TMPRSS13: variants seen among roughly 807,000 people sequenced by gnomAD.
TMPRSS13 encodes transmembrane serine protease 13.
TMPRSS13 carries 50 observed loss-of-function variants against 68.4 expected under a neutral mutation model. That is an observed-to-expected ratio of 0.73 (90% CI 0.58 to 0.93). The LOEUF (loss-of-function observed/expected upper bound fraction) is 0.93, where lower values mean the gene tolerates loss of function less well. Among genes scored for constraint, TMPRSS13 ranks in the 40% least tolerant of loss-of-function variants. The probability of loss-of-function intolerance (pLI) is 0.00; values close to 1 mark genes in which losing one functional copy is unlikely to be tolerated. For missense variants in TMPRSS13, 615 were observed against 729.2 expected (o/e 0.84, Z 1.80); for synonymous variants, 267 against 285.8 (o/e 0.93, Z 0.66).
intron 1 of TMPRSS13, among the ~76,000 whole-genome samples, chr11:117,927,764 A>C (rs79457233): frequency 0.017 from 2,568 of 152,302 alleles, 84 homozygotes; most frequent in African/African-American, 0.059. Flanking sequence ...GTTCCATCTT[A>C]AATAGGGGAG....
At position 117,914,504 on chromosome 11, in the gene TMPRSS13, C is replaced by A. The variant is rs1403353091; in HGVS notation, c.567G>T (p.Trp189Cys). ...VVSLIILFQF[W>C]QGHTGIRYKE... ...TGTACCTGATCCCTGTGTGGCCCTG[C>A]CAGAACTGGACTAGAGAAAAAGAAG... Residue 189 changes from tryptophan (W) to cysteine (C), a missense_variant, in exon 4 of 13, where the codon TGG (tryptophan) becomes TGT (cysteine). Physicochemically the swap from Trp to Cys is radical, Grantham distance 215. Transcript: ENST00000524993. This position sits in a 1 kb window ranked among gnomAD's most constrained non-coding sequence, Gnocchi z 4.2. 6.2e-7 allele frequency: 1 copy of A among 1,613,892 alleles called. No individual in the cohort carries two copies. Among genetic ancestry groups the A allele is most frequent in the Non-Finnish European group, 8.5e-7 (1 of 1,180,004 alleles).
chr11:117,917,713 A>C (rs1244401502), intron 2 of TMPRSS13, among the ~76,000 whole-genome samples: 1 of 152,070 alleles, frequency 6.6e-6, no homozygotes, highest in Non-Finnish European at 1.5e-5. Context: ...CACTTCACCC[A>C]CCCTGGAGAG....
intron 12 of TMPRSS13, chr11:117,903,400 C>G: frequency 2.6e-6 from 4 of 1,535,706 alleles, no homozygotes; most frequent in Non-Finnish European, 3.5e-6. Flanking sequence ...AACATCTGCC[C>G]AGCAACTGCC....
At chr11:117,919,990 G>A (rs2134915401) in intron 1 of TMPRSS13, among the ~76,000 whole-genome samples, 1 of 152,348 alleles carries the variant, frequency 6.6e-6, no homozygotes, top group Non-Finnish European at 1.5e-5. Flanking sequence ...GGATAGGGCT[G>A]GGGGTTACCA....
intron 1 of TMPRSS13, among the ~76,000 whole-genome samples, chr11:117,920,170 G>A (rs2057628621): frequency 6.6e-6 from 1 of 152,160 alleles, no homozygotes; most frequent in South Asian, 2.1e-4. Context: ...AGGCAGCTGG[G>A]CGCCCCAGGC....
chr11:117,917,412 T>C (rs1255109855), intron 2 of TMPRSS13, 138 bp from the exon 3 acceptor site: 4 of 636,588 alleles, frequency 6.3e-6, no homozygotes, highest in Non-Finnish European at 1.1e-5. Context: ...TGAGATTTTA[T>C]GGGGCTCAAA....
intron 8 of TMPRSS13, among the ~76,000 whole-genome samples, chr11:117,909,568 C>T (rs1565347149): frequency 6.6e-6 from 1 of 152,248 alleles, no homozygotes; most frequent in Admixed American, 6.5e-5. Flanking sequence ...GCCTGCCTCT[C>T]TCCCCCTTGG....
At chr11:117,918,014 G>T (rs1486221998) in intron 2 of TMPRSS13, among the ~76,000 whole-genome samples, 2 of 152,116 alleles carry the variant, frequency 1.3e-5, no homozygotes, top group Non-Finnish European at 2.9e-5. Context: ...CCACAGATGG[G>T]CCCACTGATC....
intron 8 of TMPRSS13, 130 bp downstream of exon 8, chr11:117,909,676 G>A: frequency 8.9e-7 from 1 of 1,129,344 alleles, no homozygotes; most frequent in Non-Finnish European, 1.3e-6. Flanking sequence ...CTACACCAGT[G>A]CCAACTGGCC....
chr11:117,905,778 A>G, intron 9 of TMPRSS13, 42 bp from the exon 10 acceptor site: 1 of 1,498,940 alleles, frequency 6.7e-7, no homozygotes. Flanking sequence ...AACAAGGCTG[A>G]GACTTTCAGT....
At chr11:117,906,622 C>T (rs549382503) in intron 9 of TMPRSS13, among the ~76,000 whole-genome samples, 2 of 152,252 alleles carry the variant, frequency 1.3e-5, no homozygotes, top group East Asian at 3.9e-4. Context: ...TGGAATTAGG[C>T]TTTAAACATT....
rs541829743 is a variant in TMPRSS13, at chr11:117,917,463, T to C, written c.452-189A>G. On this transcript the variant is annotated intron_variant, in intron 2 of 12. Transcript: ENST00000524993. ...GAATGAATTTTGTCCCATCTGAAAA[T>C]GCAAAAACTGAGCTCCCCCTGCCTG... Among the ~76,000 whole-genome samples, 4 of 152,256 alleles carry C rather than the reference T, an allele frequency of 2.6e-5. No homozygotes were observed. In the South Asian group the frequency reaches 6.2e-4, roughly 24 times the overall value.
Position 117,908,655 on chromosome 11 carries a change from A to G in TMPRSS13, c.1239T>C (p.Tyr413=). Reference sequence around the variant, plus strand: ...TGGACAGCCGCATGAGGGCGATGTCATAGTCGTCCTCCTCATCGGTGTAAT... The same window carrying G: ...TGGACAGCCGCATGAGGGCGATGTCGTAGTCGTCCTCCTCATCGGTGTAAT... ...NSNYTDEEDD[Y]DIALMRLSKP... is the part of the protein sequence containing the mutation. Residue 413 remains tyrosine (Y), a synonymous_variant, in exon 9 of 13, where the codon TAT becomes TAC. Coordinates refer to ENST00000524993, the MANE Select transcript of TMPRSS13 (RefSeq NM_001077263.3). The G allele has an allele frequency of 6.3e-7, 1 of 1,582,326 alleles. No individual in the cohort carries two copies.
At chr11:117,923,741 G>A (rs146556537) in intron 1 of TMPRSS13, among the ~76,000 whole-genome samples, 25,529 of 149,490 alleles carry the variant, frequency 0.17, 2,730 homozygotes, top group Non-Finnish European at 0.24. Context: ...TGTAAAGGAC[G>A]AGTTAATGGG....
chr11:117,903,342 C>A (rs187379790), intron 12 of TMPRSS13: 10 of 1,482,920 alleles, frequency 6.7e-6, no homozygotes, highest in Non-Finnish European at 9.1e-6. Context: ...GAAACTGAAA[C>A]GTTTTCAAAG....
intron 7 of TMPRSS13, 125 bp from the exon 8 acceptor site, chr11:117,910,093 G>A: frequency 3.4e-6 from 4 of 1,170,374 alleles, no homozygotes; most frequent in Non-Finnish European, 4.8e-6. Flanking sequence ...CATCCTGAAG[G>A]GCACCCACCC....
chr11:117,924,333 C>T (rs7943219), intron 1 of TMPRSS13, among the ~76,000 whole-genome samples: 108,506 of 151,802 alleles, frequency 0.71, 40,161 homozygotes, highest in Non-Finnish European at 0.81. Flanking sequence ...GGCCCCCATC[C>T]TTGGGCTGTT....
chr11:117,918,180 C>G (rs1454324319), intron 2 of TMPRSS13, among the ~76,000 whole-genome samples: 1 of 152,158 alleles, frequency 6.6e-6, no homozygotes, highest in Non-Finnish European at 1.5e-5. Flanking sequence ...TTTGTTAGTC[C>G]TGGCTTCTTA....
At position 117,908,664 on chromosome 11, in the gene TMPRSS13, C is replaced by T; in HGVS notation, c.1230G>A (p.Glu410=). The change falls in exon 9 of 13, where the codon GAG becomes GAA. Residue 410 remains glutamate, a synonymous_variant. Coordinates refer to ENST00000524993, the MANE Select transcript of TMPRSS13 (RefSeq NM_001077263.3). ...IIINSNYTDE[E]DDYDIALMRL... ...GCATGAGGGCGATGTCATAGTCGTCCTCCTCATCGGTGTAATTGCTGTTGA... is the reference window on the plus strand; with the variant it reads ...GCATGAGGGCGATGTCATAGTCGTCTTCCTCATCGGTGTAATTGCTGTTGA... The T allele has an allele frequency of 1.3e-6, 2 of 1,588,056 alleles. No homozygotes were observed. The highest frequency in any genetic ancestry group is 1.7e-6 in the Non-Finnish European group (2 of 1,168,222).
Sources: allele counts gnomAD v4.1 joint callset (sites outside exome capture counted in the v4.1 genomes callset), GRCh38; gene constraint gnomAD v4.1.1; non-coding constraint Gnocchi (gnomAD v3.1); transcripts MANE v1.5; gene names NCBI Gene and HGNC (gene_info 2026-07-23, HGNC 2026-07-21).